Variants in ST18 observed in about 807,000 individuals in gnomAD.
ST18 encodes the protein ST18 C2H2C-type zinc finger transcription factor.
Under a neutral mutation model 110.0 loss-of-function variants are expected in ST18, and 50 were observed. The ratio of observed to expected loss-of-function variants is 0.45; its 90% confidence interval spans 0.36 to 0.58. The LOEUF (loss-of-function observed/expected upper bound fraction) is 0.58. Ranked by LOEUF, ST18 falls within the 20% of genes least tolerant of loss-of-function variation. ST18 has a pLI of 0.00. For missense variants in ST18, 1,306 were observed against 1,280.1 expected, an observed-to-expected ratio of 1.02 and a Z score of -0.31; for synonymous variants, 461 against 452.4, an observed-to-expected ratio of 1.02 and a Z score of -0.24.
chr8:52,381,976 A>AAAC (rs1554859921), intron 2 of ST18, among the ~76,000 whole-genome samples: 95 of 151,606 alleles, frequency 6.3e-4, no homozygotes, highest in African/African-American at 1.8e-3. Flanking sequence ...TTAAAAAACA[A>AAAC]AAAAAAACAA....
rs554439433 is a variant in ST18, at chr8:52,237,221, C to T, written c.-464-7144G>A. Among the ~76,000 whole-genome samples, 41 of 152,312 alleles carry T rather than the reference C, an allele frequency of 2.7e-4. 1 individual carries two copies. Among genetic ancestry groups the T allele is most frequent in the African/African-American group, 9.1e-4 (38 of 41,576 alleles). ...GGTATGTGGTCCACAATGAATGCCC[C>T]AGTGTGGGCGTGGTGAGGACTTGTG... On this transcript the variant is annotated intron_variant, in intron 2 of 25. Coordinates refer to ENST00000689386, the MANE Select transcript of ST18 (RefSeq NM_001352837.2).
chr8:52,179,976 A>G (rs73679155), intron 9 of ST18, 146 bp downstream of exon 9: 11 of 889,754 alleles, frequency 1.2e-5, no homozygotes, highest in Non-Finnish European at 1.7e-5. Context: ...AATGAATGTC[A>G]AGTAAAATAA....
At chr8:52,195,863 G>A (rs1320443253) in intron 8 of ST18, among the ~76,000 whole-genome samples, 2 of 151,970 alleles carry the variant, frequency 1.3e-5, no homozygotes, top group Admixed American at 6.6e-5. Flanking sequence ...AAAACAATAA[G>A]AGCTGTGAAA....
chr8:52,129,713 T>C (rs2048451335), intron 22 of ST18, among the ~76,000 whole-genome samples: 1 of 152,148 alleles, frequency 6.6e-6, no homozygotes, highest in Non-Finnish European at 1.5e-5. Flanking sequence ...TGAATTACCT[T>C]TGTCTAAATT....
chr8:52,323,810 C>T (rs886385230), intron 2 of ST18, among the ~76,000 whole-genome samples: 3 of 152,198 alleles, frequency 2.0e-5, no homozygotes, highest in African/African-American at 7.2e-5. Flanking sequence ...AGTGCTCGCT[C>T]TTCTCACTTT....
intron 2 of ST18, among the ~76,000 whole-genome samples, chr8:52,271,058 C>A (rs553433085): frequency 4.6e-5 from 7 of 152,090 alleles, no homozygotes; most frequent in African/African-American, 1.7e-4. Context: ...GCCGCCACGC[C>A]CAGCTAATTT....
intron 2 of ST18, among the ~76,000 whole-genome samples, chr8:52,359,064 T>C (rs1435904786): frequency 1.3e-5 from 2 of 151,630 alleles, no homozygotes; most frequent in Non-Finnish European, 2.9e-5. Flanking sequence ...ATGCAAAAAA[T>C]GGCTCAATAT....
At chr8:52,332,068 T>C (rs771743932) in intron 2 of ST18, among the ~76,000 whole-genome samples, 3 of 152,094 alleles carry the variant, frequency 2.0e-5, no homozygotes, top group Non-Finnish European at 4.4e-5. Context: ...TATGTATATA[T>C]ACATTTATAA....
intron 2 of ST18, among the ~76,000 whole-genome samples, chr8:52,286,433 T>C (rs913778506): frequency 6.6e-6 from 1 of 152,206 alleles, no homozygotes; most frequent in Non-Finnish European, 1.5e-5. Flanking sequence ...CCAAATTCCA[T>C]AACTGTCCTA....
chr8:52,165,185 C>T lies in ST18; in HGVS notation c.1245G>A (p.Pro415=), dbSNP rs745595027. The T allele has an allele frequency of 6.8e-6, 11 of 1,614,044 alleles. No individual in the cohort carries two copies. The highest frequency in any genetic ancestry group is 4.5e-5 in the East Asian group (2 of 44,898). ...TCACATGACCCCTTCCTGTGCATCC[C>T]GGCGTGGGACACTTGAGCACATTTT... ...MHENVLKCPT[P]GCTGRGHVNS... is the part of the protein sequence containing the mutation. The change falls in exon 12 of 26, where the codon CCG becomes CCA. Residue 415 remains proline (P), a synonymous_variant. Coordinates refer to ENST00000689386, the MANE Select transcript of ST18 (RefSeq NM_001352837.2).
chr8:52,405,385 C>G (rs906030829), intron 2 of ST18: 1 of 152,216 alleles, frequency 6.6e-6, no homozygotes, highest in African/African-American at 2.4e-5. Context: ...CCAGTCCACG[C>G]CAACAACCAC....
chr8:52,315,078 A>G (rs4398937), intron 2 of ST18, among the ~76,000 whole-genome samples: 31,866 of 152,174 alleles, frequency 0.21, 3,821 homozygotes, highest in African/African-American at 0.33. Flanking sequence ...TTCCTCTTTC[A>G]TATATGGCCA....
intron 14 of ST18, among the ~76,000 whole-genome samples, chr8:52,160,300 G>A (rs2061095401): frequency 6.6e-6 from 1 of 152,204 alleles, no homozygotes; most frequent in Non-Finnish European, 1.5e-5. Flanking sequence ...ATTTATGTTA[G>A]TTGGAAGCTA....
At chr8:52,362,606 T>G (rs972986719) in intron 2 of ST18, among the ~76,000 whole-genome samples, 7 of 152,190 alleles carry the variant, frequency 4.6e-5, no homozygotes, top group African/African-American at 9.7e-5. Flanking sequence ...CGCATTCTTG[T>G]TAGATATAAT....
At chr8:52,345,126 T>A (rs1045450582) in intron 2 of ST18, among the ~76,000 whole-genome samples, 1 of 152,218 alleles carries the variant, frequency 6.6e-6, no homozygotes, top group Non-Finnish European at 1.5e-5. Context: ...CTTTTCTTTT[T>A]CTTTTAAAAA....
chr8:52,251,765 C>T (rs1051007074), intron 2 of ST18, among the ~76,000 whole-genome samples: 1 of 152,070 alleles, frequency 6.6e-6, no homozygotes, highest in Non-Finnish European at 1.5e-5. Flanking sequence ...TGCTAGGCAG[C>T]AGATGGAACC....
chr8:52,152,555 T>A (rs2059085521), intron 15 of ST18, among the ~76,000 whole-genome samples: 1 of 152,252 alleles, frequency 6.6e-6, no homozygotes, highest in African/African-American at 2.4e-5. Context: ...CAGCCACTTT[T>A]GAGCTACCTG....
chr8:52,130,118 G>GAAAAGAAAGAAA (rs1236498199), intron 22 of ST18, among the ~76,000 whole-genome samples: 1 of 39,324 alleles, frequency 2.5e-5, no homozygotes, highest in East Asian at 1.2e-3. Context: ...AAGAAAGAAA[G>GAAAAGAAAGAAA]AAAAGAAAGA....
intron 2 of ST18, among the ~76,000 whole-genome samples, chr8:52,385,911 C>T (rs1356897606): frequency 6.6e-6 from 1 of 152,136 alleles, no homozygotes; most frequent in African/African-American, 2.4e-5. Context: ...GAAAACCTCT[C>T]ACTCTCTTAC....
Sources: gnomAD v4.1 joint callset for allele counts (sites outside exome capture counted in the v4.1 genomes callset) on GRCh38, gnomAD v4.1.1 for gene constraint, MANE v1.5 for transcripts, NCBI Gene and HGNC (gene_info 2026-07-23, HGNC 2026-07-21) for gene names.